GALNT14: variants seen among roughly 807,000 people sequenced by gnomAD.
The protein encoded by GALNT14 is polypeptide N-acetylgalactosaminyltransferase 14.
GALNT14 carries 60 observed loss-of-function variants against 77.5 expected under a neutral mutation model. The observed-to-expected ratio is 0.77, with a 90% CI of 0.63 to 0.96. The LOEUF is 0.96. Ranked by LOEUF, GALNT14 falls within the 40% of genes least tolerant of loss-of-function variation. The probability of loss-of-function intolerance (pLI) is 0.00; values close to 1 mark genes in which losing one functional copy is unlikely to be tolerated. For missense variants in GALNT14, 710 were observed against 731.0 expected (o/e 0.97, Z 0.33); for synonymous variants, 280 against 281.7 (o/e 0.99, Z 0.06).
At chr2:31,119,032 A>G (rs1223193387) in intron 1 of GALNT14, among the ~76,000 whole-genome samples, 2 of 152,124 alleles carry the variant, frequency 1.3e-5, no homozygotes, top group Non-Finnish European at 2.9e-5. Context: ...AAGAAAATAC[A>G]GTTGAATCCC....
intron 1 of GALNT14, chr2:31,125,153 C>A: frequency 6.5e-7 from 1 of 1,548,278 alleles, no homozygotes; most frequent in Admixed American, 2.0e-5. Context: ...AGTCAACCTA[C>A]CTGTAGGAAG....
chr2:31,009,563 A>C (rs1377124927), intron 1 of GALNT14, among the ~76,000 whole-genome samples: 1 of 152,088 alleles, frequency 6.6e-6, no homozygotes, highest in East Asian at 1.9e-4. Context: ...TCCAGCCCAG[A>C]TCTCTTTTCT....
intron 1 of GALNT14, among the ~76,000 whole-genome samples, chr2:31,120,853 G>A (rs1678375199): frequency 6.6e-6 from 1 of 152,240 alleles, no homozygotes; most frequent in African/African-American, 2.4e-5. Flanking sequence ...ACCACGCCCA[G>A]CCATGGACAC....
At chr2:31,024,488 T>C (rs1671922531) in intron 1 of GALNT14, among the ~76,000 whole-genome samples, 1 of 152,160 alleles carries the variant, frequency 6.6e-6, no homozygotes, top group African/African-American at 2.4e-5. Context: ...CCAGCCGAGC[T>C]GCCACCTCAG....
chr2:30,904,182 A>C, the GALNT14 span, among the ~76,000 whole-genome samples: 1 of 152,314 alleles, frequency 6.6e-6, no homozygotes, highest in South Asian at 2.1e-4. Flanking sequence ...TGCATCATCA[A>C]TAGAAACCCC....
chr2:31,080,851 A>T (rs945742138), intron 1 of GALNT14, among the ~76,000 whole-genome samples: 38 of 152,334 alleles, frequency 2.5e-4, no homozygotes, highest in African/African-American at 9.1e-4. Flanking sequence ...ACTGGAAGAC[A>T]CTTGTTTCAG....
chr2:31,016,818 C>T (rs1013368948), intron 1 of GALNT14, among the ~76,000 whole-genome samples: 4 of 152,138 alleles, frequency 2.6e-5, no homozygotes, highest in African/African-American at 9.7e-5. Flanking sequence ...CCTGGGAGTG[C>T]TCTCATTAAA....
the GALNT14 span, among the ~76,000 whole-genome samples, chr2:30,897,438 C>T: frequency 3.9e-5 from 6 of 152,158 alleles, no homozygotes; most frequent in African/African-American, 1.2e-4. Flanking sequence ...CATGCAGGTG[C>T]CAGGCTGAAG....
chr2:31,018,761 CT>C (rs2148456220), intron 1 of GALNT14, among the ~76,000 whole-genome samples: 1 of 152,254 alleles, frequency 6.6e-6, no homozygotes, highest in African/African-American at 2.4e-5. Context: ...TGTGCAGGTT[CT>C]TTGGGATGAC....
chr2:31,019,452 T>C (rs1165530660), intron 1 of GALNT14, among the ~76,000 whole-genome samples: 1 of 152,178 alleles, frequency 6.6e-6, no homozygotes, highest in East Asian at 1.9e-4. Flanking sequence ...CTTGGGCTCA[T>C]TCATTCTCTT....
intron 1 of GALNT14, among the ~76,000 whole-genome samples, chr2:31,098,623 T>C (rs112481866): frequency 7.9e-5 from 12 of 152,212 alleles, no homozygotes; most frequent in African/African-American, 2.9e-4. Flanking sequence ...ATAAATGCGG[T>C]TGACCCTTGA....
chr2:31,039,481 G>A (rs538538107), intron 1 of GALNT14, among the ~76,000 whole-genome samples: 167 of 152,100 alleles, frequency 1.1e-3, no homozygotes, highest in Non-Finnish European at 2.0e-3. Flanking sequence ...GACTTGAATC[G>A]GGCCGGCTTA....
In GALNT14 at chr2:30,945,848, G is replaced by A. The variant is rs1302183352; in HGVS notation, c.677C>T (p.Pro226Leu). The A allele has an allele frequency of 1.2e-6, 2 of 1,614,056 alleles. No individual in the cohort carries two copies. Among genetic ancestry groups the A allele is most frequent in the Admixed American group, 3.3e-5 (2 of 60,000 alleles). The change falls in exon 7 of 15, where the codon CCT (proline) becomes CTT (leucine). Residue 226 changes from proline to leucine, a missense_variant. Pro to Leu is a moderately conservative substitution (Grantham distance 98). Transcript: ENST00000349752. The part of the protein sequence containing the change: ...VKEDYTRVVC[P>L]VIDIINLDTF... The stretch of plus-strand genomic sequence containing the variant: ...GTCCAGGTTAATGATATCGATCACA[G>A]GGCACACCACCCGCGTGTAGTCCTG...
chr2:30,980,174 C>T (rs1056226534), intron 2 of GALNT14, among the ~76,000 whole-genome samples: 24 of 152,236 alleles, frequency 1.6e-4, no homozygotes, highest in African/African-American at 5.3e-4. Context: ...TCACATGAGC[C>T]GCAGCACCCT....
At chr2:31,033,233 G>A (rs957831828) in intron 1 of GALNT14, among the ~76,000 whole-genome samples, 8 of 152,096 alleles carry the variant, frequency 5.3e-5, no homozygotes, top group African/African-American at 1.9e-4. Context: ...CCACCTATCT[G>A]TCACGTGTGG....
chr2:31,076,664 T>C (rs1050003415), intron 1 of GALNT14, among the ~76,000 whole-genome samples: 1 of 150,736 alleles, frequency 6.6e-6, no homozygotes, highest in Non-Finnish European at 1.5e-5. Context: ...ATACATTTAG[T>C]GGCCTCAAGA....
chr2:30,985,342 C>A (rs1200189681), intron 2 of GALNT14, among the ~76,000 whole-genome samples: 2 of 152,142 alleles, frequency 1.3e-5, no homozygotes, highest in African/African-American at 2.4e-5. Context: ...CTCAAAAAAA[C>A]AGGCACTCAA....
chr2:31,063,108 G>C (rs1193793245), intron 1 of GALNT14, among the ~76,000 whole-genome samples: 11 of 152,104 alleles, frequency 7.2e-5, no homozygotes, highest in Non-Finnish European at 4.4e-5. Flanking sequence ...AATTGCTTTT[G>C]GTGTTTTAGT....
intron 2 of GALNT14, among the ~76,000 whole-genome samples, chr2:30,990,578 A>C (rs1257395811): frequency 1.3e-5 from 2 of 152,264 alleles, no homozygotes; most frequent in Non-Finnish European, 2.9e-5. Context: ...GGGTGACACC[A>C]GTATGGTGAC....
Sources: allele counts gnomAD v4.1 joint callset (sites outside exome capture counted in the v4.1 genomes callset), GRCh38; gene constraint gnomAD v4.1.1; transcripts MANE v1.5; gene names NCBI Gene and HGNC (gene_info 2026-07-23, HGNC 2026-07-21).